NCOA2: variants seen among roughly 807,000 people sequenced by gnomAD.
The protein encoded by NCOA2 is class E basic helix-loop-helix protein 75.
In NCOA2, 21 loss-of-function variants were observed where a neutral mutation model predicts 145.1. That is an observed-to-expected ratio of 0.14 (90% confidence interval 0.10 to 0.21). The LOEUF (loss-of-function observed/expected upper bound fraction) is 0.21. NCOA2 is among the 10% of genes least tolerant of loss of function. The pLI is 1.00. For synonymous variants in NCOA2, 619 were observed against 637.5 expected (o/e 0.97, Z 0.44); for missense variants, 1,472 against 1,837.6 (o/e 0.80, Z 3.64).
At chr8:70,175,379 A>C (rs1295558040) in intron 4 of NCOA2, among the ~76,000 whole-genome samples, 1 of 152,194 alleles carries the variant, frequency 6.6e-6, no homozygotes, top group Admixed American at 6.5e-5. Flanking sequence ...TTCCCATTTA[A>C]AGTGGACAGG....
chr8:70,229,603 G>A (rs1200151985), intron 2 of NCOA2, among the ~76,000 whole-genome samples: 7 of 152,148 alleles, frequency 4.6e-5, no homozygotes, highest in Non-Finnish European at 8.8e-5. Flanking sequence ...ATTTGGGAGT[G>A]TGGGTCCTTC....
the NCOA2 span, among the ~76,000 whole-genome samples, chr8:70,453,183 C>G: frequency 6.6e-6 from 1 of 152,182 alleles, no homozygotes; most frequent in Non-Finnish European, 1.5e-5. Context: ...AAATGCTAAG[C>G]CTGGCCAAAG....
chr8:70,225,570 G>GAAAGA (rs1237068345), intron 2 of NCOA2, among the ~76,000 whole-genome samples: 1 of 150,410 alleles, frequency 6.6e-6, no homozygotes, highest in African/African-American at 2.5e-5. Context: ...GAAAAGAAAA[G>GAAAGA]AAAGAAAAGA....
At chr8:70,403,515 C>T (rs1275105954) in intron 1 of NCOA2, among the ~76,000 whole-genome samples, 185 bp downstream of exon 1, 2 of 142,354 alleles carry the variant, frequency 1.4e-5, no homozygotes, top group African/African-American at 2.5e-5. Flanking sequence ...CTCCGGGATG[C>T]AACTCCCGTT....
chr8:70,159,584 C>T lies in NCOA2; in HGVS notation c.1045G>A (p.Ala349Thr). The T allele has an allele frequency of 6.2e-7, 1 of 1,612,434 alleles. No homozygotes were observed. The highest frequency in any genetic ancestry group is 8.5e-7 in the Non-Finnish European group (1 of 1,178,758). ...FSLSDGTLVA[A>T]QTKSKLIRSQ... ...CGGATGAGTTTGCTCTTCGTTTGTG[C>T]AGCAACAAGAGTGCCATCAGACAAG... The change falls in exon 10 of 23, where the codon GCA becomes ACA. Residue 349 changes from alanine to threonine, a missense_variant. This residue lies in a region of NCOA2 where 284 missense variants were observed against 467.8 expected (regional missense o/e 0.61). Transcript: ENST00000452400.
chr8:70,249,432 T>C (rs1293397051), intron 2 of NCOA2, among the ~76,000 whole-genome samples: 1 of 152,086 alleles, frequency 6.6e-6, no homozygotes, highest in African/African-American at 2.4e-5. Context: ...ATATGCCAGA[T>C]ATGCAGTGCC....
rs60220895 is a variant in NCOA2 at position 70,112,140 on chromosome 8, A to C, written c.*1492T>G. The C allele has an allele frequency of 8.6e-3, 1,771 of 205,148 alleles. 32 individuals are homozygous for C. The highest frequency in any genetic ancestry group is 0.039 in the African/African-American group (1,700 of 43,888). 12.7% of individuals were successfully genotyped at this position (205,148 alleles called of 1,614,324 possible). On this transcript the variant is annotated 3_prime_UTR_variant, in exon 23 of 23. Coordinates refer to ENST00000452400, the MANE Select transcript of NCOA2 (RefSeq NM_006540.4). ...AAGAATTGGTTCCTACAGCGGCTGC[A>C]TATCATATAGATTAGATAAATGACT...
the NCOA2 span, among the ~76,000 whole-genome samples, chr8:70,441,449 AAAG>A: frequency 1.3e-5 from 2 of 150,812 alleles, no homozygotes; most frequent in African/African-American, 4.8e-5. Flanking sequence ...AAAAAAGAAA[AAAG>A]AAAGAAAAGA....
At chr8:70,236,716 C>A (rs1821641334) in intron 2 of NCOA2, among the ~76,000 whole-genome samples, 1 of 152,046 alleles carries the variant, frequency 6.6e-6, no homozygotes, top group Non-Finnish European at 1.5e-5. Context: ...AAAAGCAGTA[C>A]AATATAACAA....
intron 2 of NCOA2, among the ~76,000 whole-genome samples, chr8:70,295,531 AT>A (rs1345061776): frequency 1.3e-5 from 2 of 152,186 alleles, no homozygotes; most frequent in East Asian, 3.9e-4. Context: ...TATCTTCTTA[AT>A]TCTACCCTGA....
chr8:70,423,700 G>A, the NCOA2 span, among the ~76,000 whole-genome samples: 3 of 152,166 alleles, frequency 2.0e-5, no homozygotes, highest in South Asian at 2.1e-4. Flanking sequence ...CACCCAGTGA[G>A]GGAATCACTA....
At chr8:70,144,215 T>C (rs1176860459) in intron 13 of NCOA2, among the ~76,000 whole-genome samples, 1 of 152,232 alleles carries the variant, frequency 6.6e-6, no homozygotes, top group Admixed American at 6.5e-5. Flanking sequence ...CTTTTTGGAA[T>C]AAGAATTTTA....
chr8:70,218,557 C>T (rs757434563), intron 2 of NCOA2, among the ~76,000 whole-genome samples: 1 of 152,142 alleles, frequency 6.6e-6, no homozygotes, highest in Non-Finnish European at 1.5e-5. Context: ...GGAGACCAGC[C>T]TGAACAACGT....
At chr8:70,369,577 T>C (rs1412521861) in intron 1 of NCOA2, among the ~76,000 whole-genome samples, 1 of 152,190 alleles carries the variant, frequency 6.6e-6, no homozygotes, top group Non-Finnish European at 1.5e-5. Context: ...GCTTTAAAGA[T>C]AGAGCAGAAG....
At chr8:70,147,128 G>A (rs915599017) in intron 12 of NCOA2, among the ~76,000 whole-genome samples, 1 of 142,016 alleles carries the variant, frequency 7.0e-6, no homozygotes, top group Non-Finnish European at 1.5e-5. Context: ...GCGCGCGCGC[G>A]TGTGTGTGTG....
At chr8:70,113,860 C>A (rs942399857) in intron 22 of NCOA2, among the ~76,000 whole-genome samples, 1 of 152,128 alleles carries the variant, frequency 6.6e-6, no homozygotes, top group African/African-American at 2.4e-5. Flanking sequence ...AGGAGCCCAG[C>A]GAATCCTACA....
the NCOA2 span, among the ~76,000 whole-genome samples, chr8:70,440,481 C>T: frequency 0.083 from 12,562 of 151,572 alleles, 699 homozygotes; most frequent in Non-Finnish European, 0.12. Flanking sequence ...GGCTGAGGCA[C>T]GAGAATTGCT....
chr8:70,418,032 G>A, the NCOA2 span, among the ~76,000 whole-genome samples: 1 of 152,180 alleles, frequency 6.6e-6, no homozygotes, highest in African/African-American at 2.4e-5. Flanking sequence ...TAGATTAGCA[G>A]CATATAAAAT....
At chr8:70,170,474 T>C (rs1397830606) in intron 5 of NCOA2, 95 bp from the exon 6 acceptor site, 2 of 1,079,164 alleles carry the variant, frequency 1.9e-6, no homozygotes, top group Non-Finnish European at 2.6e-6. Flanking sequence ...GGAAACACAA[T>C]TCACACACAG....
Sources: allele counts gnomAD v4.1 joint callset (sites outside exome capture counted in the v4.1 genomes callset), GRCh38; gene constraint gnomAD v4.1.1; regional missense constraint gnomAD v4.1.1; transcripts MANE v1.5; gene names NCBI Gene and HGNC (gene_info 2026-07-23, HGNC 2026-07-21).